Variants in LAPTM4B observed in about 807,000 individuals in gnomAD.
LAPTM4B encodes the protein lysosomal-associated transmembrane protein 4B.
LAPTM4B carries 26 observed loss-of-function variants against 28.5 expected under a neutral mutation model. The observed-to-expected ratio is 0.91, with a 90% CI of 0.67 to 1.27. The LOEUF (loss-of-function observed/expected upper bound fraction) is 1.27, where lower values mean the gene tolerates loss of function less well. Ranked by LOEUF, LAPTM4B falls within the 50% of genes most tolerant of loss-of-function variation. The pLI, the probability that LAPTM4B is intolerant of heterozygous loss-of-function variation, is 0.00. For missense variants in LAPTM4B, 288 were observed against 285.8 expected, an observed-to-expected ratio of 1.01 and a Z score of -0.06; for synonymous variants, 109 against 106.4, an observed-to-expected ratio of 1.02 and a Z score of -0.15.
chr8:97,787,585 AT>A (rs1816424241), intron 1 of LAPTM4B, among the ~76,000 whole-genome samples: 2 of 152,102 alleles, frequency 1.3e-5, no homozygotes, highest in African/African-American at 2.4e-5. Context: ...TGCTTGGCCG[AT>A]TTCTTTTAAC....
intron 6 of LAPTM4B, among the ~76,000 whole-genome samples, chr8:97,826,651 G>C (rs941920051): frequency 1.4e-4 from 21 of 152,048 alleles, no homozygotes; most frequent in East Asian, 7.7e-4. Context: ...TGGGATTATA[G>C]GTGCCCACCA....
intron 5 of LAPTM4B, among the ~76,000 whole-genome samples, chr8:97,822,403 C>G (rs879678784): frequency 1.9e-4 from 22 of 117,770 alleles, no homozygotes; most frequent in Non-Finnish European, 3.8e-4. Flanking sequence ...AAGCTAGGAC[C>G]TCACAATTAT....
intron 6 of LAPTM4B, among the ~76,000 whole-genome samples, chr8:97,828,065 G>A (rs1817121037): frequency 6.6e-6 from 1 of 152,050 alleles, no homozygotes; most frequent in South Asian, 2.1e-4. Flanking sequence ...TATACGTGTG[G>A]GTCACAGAGG....
intron 1 of LAPTM4B, among the ~76,000 whole-genome samples, chr8:97,802,548 A>G (rs1294312551): frequency 2.0e-5 from 3 of 152,076 alleles, no homozygotes; most frequent in Non-Finnish European, 4.4e-5. Flanking sequence ...CGTCTTTACC[A>G]TCACCTGTTT....
intron 1 of LAPTM4B, among the ~76,000 whole-genome samples, chr8:97,781,618 C>T (rs546061797): frequency 2.0e-5 from 3 of 152,146 alleles, no homozygotes; most frequent in Admixed American, 2.0e-4. Flanking sequence ...TGACAAATGC[C>T]TCTGTAATGT....
In LAPTM4B at chr8:97,817,641, G is replaced by C. The variant is rs183612154; in HGVS notation, c.408+1461G>C. On this transcript the variant is annotated intron_variant, in intron 4 of 6. Coordinates refer to ENST00000521545, the MANE Select transcript of LAPTM4B (RefSeq NM_018407.6). ...TTTTTTGTATTTTTAGTAGAGATGG[G>C]GTTTCACCATCTTTTCCAGGCTGGT... Among the ~76,000 whole-genome samples, 298 of 151,820 alleles carry C rather than the reference G, an allele frequency of 2.0e-3. 3 individuals carry two copies. Among genetic ancestry groups the C allele is most frequent in the Admixed American group, 0.015 (233 of 15,244 alleles).
intron 2 of LAPTM4B, among the ~76,000 whole-genome samples, chr8:97,806,322 G>A (rs114758609): frequency 6.6e-6 from 1 of 152,324 alleles, no homozygotes; most frequent in African/African-American, 2.4e-5. Context: ...GCCTGGGAGA[G>A]TGGTATTGGG....
At chr8:97,801,046 C>T (rs111454379) in intron 1 of LAPTM4B, among the ~76,000 whole-genome samples, 5 of 152,250 alleles carry the variant, frequency 3.3e-5, no homozygotes, top group African/African-American at 1.2e-4. Flanking sequence ...CTGACCAGCT[C>T]CTTACCTCTG....
chr8:97,819,727 C>CTTTTTTTTTTT (rs532220760), intron 5 of LAPTM4B, among the ~76,000 whole-genome samples: 3 of 78,580 alleles, frequency 3.8e-5, no homozygotes, highest in African/African-American at 1.6e-4. Context: ...GATAAATTTC[C>CTTTTTTTTTTT]TTTTTTTTTT....
In LAPTM4B at chr8:97,776,078, C is replaced by T. The variant is rs767151918; in HGVS notation, c.69C>T (p.Thr23=). ...NSCCLCCHVR[T]GTILLGVWYL... ...GCTGCTTGTGCTGCCATGTCCGCAC[C>T]GGCACCATCCTGCTCGGCGTCTGGT... The change falls in exon 1 of 7, where the codon ACC becomes ACT. Residue 23 remains threonine (T), a synonymous_variant. Transcript: ENST00000521545. 5.0e-6 allele frequency: 8 copies of T among 1,587,764 alleles called. No homozygotes were observed. Among genetic ancestry groups the T allele is most frequent in the South Asian group, 2.2e-5 (2 of 90,054 alleles).
intron 6 of LAPTM4B, among the ~76,000 whole-genome samples, chr8:97,839,410 C>T (rs1315409916): frequency 6.6e-6 from 1 of 152,174 alleles, no homozygotes; most frequent in African/African-American, 2.4e-5. Context: ...CCAGGCCGAT[C>T]TCGAACTCCT....
At chr8:97,829,508 A>G (rs2129821443) in intron 6 of LAPTM4B, among the ~76,000 whole-genome samples, 1 of 152,206 alleles carries the variant, frequency 6.6e-6, no homozygotes, top group East Asian at 1.9e-4. Flanking sequence ...GAATTCCAGT[A>G]GGTAATTGTT....
chr8:97,795,975 T>C (rs1198017494), intron 1 of LAPTM4B, among the ~76,000 whole-genome samples: 1 of 152,230 alleles, frequency 6.6e-6, no homozygotes, highest in Non-Finnish European at 1.5e-5. Context: ...CACTCACCTT[T>C]GTTGCCCAGG....
chr8:97,846,401 C>T (rs1053618863), intron 6 of LAPTM4B, among the ~76,000 whole-genome samples: 3 of 150,322 alleles, frequency 2.0e-5, no homozygotes, highest in Admixed American at 1.3e-4. Flanking sequence ...GATCTCAGCT[C>T]ACCACAGCCA....
chr8:97,811,630 A>C (rs1198569239), intron 2 of LAPTM4B, among the ~76,000 whole-genome samples: 1 of 152,038 alleles, frequency 6.6e-6, no homozygotes, highest in Admixed American at 6.6e-5. Flanking sequence ...TTGCTCTGGC[A>C]TTTGGAAAGG....
At chr8:97,794,478 G>A (rs546875150) in intron 1 of LAPTM4B, among the ~76,000 whole-genome samples, 102 of 152,174 alleles carry the variant, frequency 6.7e-4, no homozygotes, top group Non-Finnish European at 1.0e-4. Context: ...CATAGTAGGT[G>A]AACTAATTTT....
In LAPTM4B at chr8:97,825,094, T is replaced by C; in HGVS notation, c.544T>C (p.Tyr182His). Residue 182 changes from tyrosine (Y) to histidine (H), a missense_variant, in exon 6 of 7, where the codon TAC (tyrosine) becomes CAC (histidine). By Grantham distance (83) the Tyr-to-His change is moderately conservative. Transcript: ENST00000521545. ...LISCVWNCYRYINGRNSSDVL... is the reference protein window; with the variant it reads ...LISCVWNCYRHINGRNSSDVL... ...TAGCTGTGTTTGGAACTGCTACCGATACATCAATGGTAGGAACTCCTCTGA... is the reference window on the plus strand; with the variant it reads ...TAGCTGTGTTTGGAACTGCTACCGACACATCAATGGTAGGAACTCCTCTGA... The C allele has an allele frequency of 3.7e-6, 6 of 1,611,882 alleles. No homozygotes were observed. The highest frequency in any genetic ancestry group is 5.1e-6 in the Non-Finnish European group (6 of 1,177,970).
At chr8:97,804,627 T>C (rs1416267916) in intron 1 of LAPTM4B, among the ~76,000 whole-genome samples, 1 of 152,234 alleles carries the variant, frequency 6.6e-6, no homozygotes, top group East Asian at 1.9e-4. Flanking sequence ...CATAAAGCAC[T>C]TAGCATAGTG....
chr8:97,776,158 A>G, intron 1 of LAPTM4B, 50 bp downstream of exon 1: 1 of 1,502,644 alleles, frequency 6.7e-7, no homozygotes. Flanking sequence ...CCGCGCCCCT[A>G]GCTGGGCTTC....
Sources: allele counts gnomAD v4.1 joint callset (sites outside exome capture counted in the v4.1 genomes callset), GRCh38; gene constraint gnomAD v4.1.1; transcripts MANE v1.5; gene names NCBI Gene and HGNC (gene_info 2026-07-23, HGNC 2026-07-21).